MAP3K7CL: variants seen among roughly 807,000 people sequenced by gnomAD.
MAP3K7CL encodes MAP3K7 C-terminal like.
A neutral mutation model predicts 18.6 loss-of-function variants in MAP3K7CL; 16 were observed. The ratio of observed to expected loss-of-function variants is 0.86; its 90% confidence interval spans 0.58 to 1.31. The LOEUF (loss-of-function observed/expected upper bound fraction) is 1.31, where lower values mean the gene tolerates loss of function less well. MAP3K7CL is among the 50% of genes most tolerant of loss of function. The pLI, the probability that MAP3K7CL is intolerant of heterozygous loss-of-function variation, is 0.00. For missense variants in MAP3K7CL, 163 were observed against 174.4 expected, an observed-to-expected ratio of 0.93 and a Z score of 0.37; for synonymous variants, 65 against 66.8, an observed-to-expected ratio of 0.97 and a Z score of 0.13.
intron 4 of MAP3K7CL, among the ~76,000 whole-genome samples, chr21:29,121,001 G>A (rs892272520): frequency 5.1e-5 from 7 of 137,602 alleles, no homozygotes; most frequent in Non-Finnish European, 1.1e-4. Flanking sequence ...CGGAGGTTGA[G>A]GCATCAGTGA....
At chr21:29,092,344 A>G in intron 3 of MAP3K7CL, 2 of 1,487,916 alleles carry the variant, frequency 1.3e-6, no homozygotes, top group East Asian at 2.3e-5. Flanking sequence ...AGAGGTTTCA[A>G]TTTCTTCTCA....
At chr21:29,113,857 G>T (rs1032449270) in intron 4 of MAP3K7CL, among the ~76,000 whole-genome samples, 1 of 152,024 alleles carries the variant, frequency 6.6e-6, no homozygotes, top group Non-Finnish European at 1.5e-5. Context: ...AGCATCAATT[G>T]CTGGCCTGTT....
chr21:29,154,005 A>G (rs2087340522), intron 3 of MAP3K7CL, among the ~76,000 whole-genome samples: 1 of 152,232 alleles, frequency 6.6e-6, no homozygotes, highest in Admixed American at 6.5e-5. Flanking sequence ...TAAGAATGAC[A>G]ATGACCAAGG....
intron 4 of MAP3K7CL, chr21:29,109,384 A>C: frequency 2.2e-6 from 3 of 1,339,386 alleles, no homozygotes; most frequent in Non-Finnish European, 2.9e-6. Flanking sequence ...CCTTGAAATC[A>C]GAGAGAGCTT....
chr21:29,109,695 C>T, intron 4 of MAP3K7CL: 1 of 987,286 alleles, frequency 1.0e-6, no homozygotes, highest in Non-Finnish European at 1.2e-6. Context: ...GATCTCGGCT[C>T]ACTGCAACCT....
At chr21:29,173,523 A>C (rs994570691) in intron 4 of MAP3K7CL, among the ~76,000 whole-genome samples, 1 of 152,216 alleles carries the variant, frequency 6.6e-6, no homozygotes, top group Non-Finnish European at 1.5e-5. Context: ...TATGTATCTG[A>C]AGGTCATTTA....
chr21:29,118,649 G>A (rs2086543872), intron 4 of MAP3K7CL, among the ~76,000 whole-genome samples: 1 of 152,226 alleles, frequency 6.6e-6, no homozygotes, highest in African/African-American at 2.4e-5. Flanking sequence ...AAGGCACAAA[G>A]TTGGCAATGA....
At chr21:29,172,646 A>G (rs2087868447) in intron 4 of MAP3K7CL, among the ~76,000 whole-genome samples, 1 of 152,170 alleles carries the variant, frequency 6.6e-6, no homozygotes, top group African/African-American at 2.4e-5. Context: ...TATGTAATAT[A>G]TTGGCAGGTA....
chr21:29,144,475 A>G (rs8131283), intron 2 of MAP3K7CL, among the ~76,000 whole-genome samples: 50,597 of 152,128 alleles, frequency 0.33, 8,527 homozygotes, highest in Non-Finnish European at 0.35. Context: ...AGAATATTTT[A>G]GGGAAAATTT....
chr21:29,145,980 G>A (rs953122878), intron 2 of MAP3K7CL, among the ~76,000 whole-genome samples: 6 of 151,994 alleles, frequency 3.9e-5, no homozygotes, highest in African/African-American at 4.8e-5. Context: ...TAAGGACGTC[G>A]ATTTCCACAA....
chr21:29,143,092 T>A (rs2087043763), intron 2 of MAP3K7CL, among the ~76,000 whole-genome samples: 2 of 152,174 alleles, frequency 1.3e-5, no homozygotes, highest in Admixed American at 1.3e-4. Flanking sequence ...CACTCAGAGG[T>A]CATACTGCAG....
intron 3 of MAP3K7CL, among the ~76,000 whole-genome samples, chr21:29,157,589 T>A (rs566103372): frequency 5.3e-5 from 8 of 152,328 alleles, no homozygotes; most frequent in African/African-American, 1.7e-4. Context: ...TTATTATGTA[T>A]AGATAGCATG....
intron 4 of MAP3K7CL, among the ~76,000 whole-genome samples, chr21:29,107,378 A>G (rs1568939608): frequency 6.6e-6 from 1 of 152,138 alleles, no homozygotes; most frequent in Admixed American, 6.6e-5. Context: ...AAGATGAAGG[A>G]TGAACTCTCA....
intron 4 of MAP3K7CL, among the ~76,000 whole-genome samples, chr21:29,115,832 A>C (rs928834563): frequency 3.3e-5 from 5 of 152,362 alleles, no homozygotes; most frequent in African/African-American, 1.2e-4. Context: ...CACTGTGAGA[A>C]CTAAATTAAT....
chr21:29,129,725 A>G (rs760068494), upstream of MAP3K7CL, among the ~76,000 whole-genome samples: 10 of 152,206 alleles, frequency 6.6e-5, no homozygotes, highest in Non-Finnish European at 1.5e-4. Flanking sequence ...AAACTGCCCA[A>G]CTGTTTACTA....
intron 4 of MAP3K7CL, among the ~76,000 whole-genome samples, chr21:29,108,662 C>T (rs1243707806): frequency 6.6e-6 from 1 of 152,156 alleles, no homozygotes; most frequent in Admixed American, 6.5e-5. Flanking sequence ...CTCTCTGAGT[C>T]CCAGTATCCT....
intron 2 of MAP3K7CL, among the ~76,000 whole-genome samples, chr21:29,144,602 G>A (rs935630514): frequency 1.3e-5 from 2 of 152,134 alleles, no homozygotes; most frequent in Admixed American, 6.5e-5. Flanking sequence ...ACATGGCCAC[G>A]AATCGTGGAG....
chr21:29,089,896 AAGG>A (rs1255657829), intron 1 of MAP3K7CL, among the ~76,000 whole-genome samples: 4 of 151,204 alleles, frequency 2.6e-5, no homozygotes, highest in Admixed American at 1.3e-4. Context: ...GAAGGGAAAA[AAGG>A]AGAAAGGAAG....
At chr21:29,093,156 G>T (rs1448908882) in intron 4 of MAP3K7CL, among the ~76,000 whole-genome samples, 1 of 152,170 alleles carries the variant, frequency 6.6e-6, no homozygotes, top group Non-Finnish European at 1.5e-5. Context: ...CGCCCGCCTC[G>T]TCCTCCCAAA....
Sources: gnomAD v4.1 joint callset for allele counts (sites outside exome capture counted in the v4.1 genomes callset) on GRCh38, gnomAD v4.1.1 for gene constraint, MANE v1.5 for transcripts, NCBI Gene and HGNC (gene_info 2026-07-23, HGNC 2026-07-21) for gene names.